Variants in CSPP1 observed in about 807,000 individuals in gnomAD.
CSPP1 encodes centrosome and spindle pole associated protein 1.
CSPP1 carries 126 observed loss-of-function variants against 164.4 expected under a neutral mutation model. The observed-to-expected ratio is 0.77, with a 90% CI of 0.66 to 0.89. The LOEUF is 0.89. Ranked by LOEUF, CSPP1 falls within the 40% of genes least tolerant of loss-of-function variation. The pLI, the probability that CSPP1 is intolerant of heterozygous loss-of-function variation, is 0.00. For synonymous variants in CSPP1, 472 were observed against 476.7 expected (o/e 0.99, Z 0.13); for missense variants, 1,395 against 1,449.8 (o/e 0.96, Z 0.61).
intron 19 of CSPP1, among the ~76,000 whole-genome samples, chr8:67,156,148 T>C (rs71515054): frequency 6.6e-6 from 1 of 152,216 alleles, no homozygotes. Context: ...ACTTTTATTG[T>C]TTTTGAGATA....
chr8:67,147,943 C>T (rs117102264), intron 17 of CSPP1, among the ~76,000 whole-genome samples: 2,505 of 151,878 alleles, frequency 0.016, 27 homozygotes, highest in Non-Finnish European at 0.024. Flanking sequence ...TTTTTTGAGA[C>T]AGTCTCACTC....
At chr8:67,161,519 T>C (rs767769382) in intron 21 of CSPP1, among the ~76,000 whole-genome samples, 1 of 152,194 alleles carries the variant, frequency 6.6e-6, no homozygotes, top group African/African-American at 2.4e-5. Flanking sequence ...AGTTTTGTTA[T>C]ATTTTTTCTT....
Position 67,195,601 on chromosome 8 carries a change from C to T in CSPP1, c.*8C>T, listed in dbSNP as rs756293613. 7 of 1,610,754 alleles carry T rather than the reference C, an allele frequency of 4.3e-6. No homozygotes were observed. In the Admixed American group the frequency reaches 1.2e-4, roughly 27 times the overall value. ...TCGACTGCACATGGTTAAAATAAAC[C>T]TGTACTGGACCCAGTAGTGCCTTTT... On this transcript the variant is annotated 3_prime_UTR_variant, in exon 31 of 31. Transcript: ENST00000678616.
At chr8:67,163,397 T>C (rs1295434311) in intron 22 of CSPP1, among the ~76,000 whole-genome samples, 2 of 151,860 alleles carry the variant, frequency 1.3e-5, no homozygotes, top group African/African-American at 4.8e-5. Context: ...GGAAGGTGCT[T>C]GGAGAGAGGA....
At chr8:67,088,991 G>A (rs1427267504) in intron 4 of CSPP1, among the ~76,000 whole-genome samples, 3 of 149,820 alleles carry the variant, frequency 2.0e-5, no homozygotes, top group African/African-American at 5.1e-5. Context: ...AGGTGGGACT[G>A]GAAGGGAAAG....
intron 9 of CSPP1, 121 bp from the exon 10 acceptor site, chr8:67,111,851 G>A: frequency 1.9e-6 from 1 of 518,060 alleles, no homozygotes; most frequent in Non-Finnish European, 3.4e-6. Context: ...TTTTCCTTCT[G>A]TATTTCTTGC....
At chr8:67,119,176 G>A (rs778109823) in intron 15 of CSPP1, among the ~76,000 whole-genome samples, 1 of 152,044 alleles carries the variant, frequency 6.6e-6, no homozygotes, top group African/African-American at 2.4e-5. Context: ...TGTCCTCAAG[G>A]TTCATCCGTC....
At chr8:67,144,104 AT>A (rs1216097534) in intron 17 of CSPP1, among the ~76,000 whole-genome samples, 1 of 152,072 alleles carries the variant, frequency 6.6e-6, no homozygotes, top group Non-Finnish European at 1.5e-5. Context: ...AGGATGTTCT[AT>A]TCCTTGTTTG....
intron 4 of CSPP1, among the ~76,000 whole-genome samples, chr8:67,088,625 C>G (rs1397163746): frequency 0.018 from 4 of 228 alleles, no homozygotes; most frequent in African/African-American, 0.054. Context: ...CGGCCGGGGG[C>G]ACGGCTGACG....
chr8:67,114,537 G>A (rs1455697923), intron 12 of CSPP1, 167 bp downstream of exon 12: 1 of 152,336 alleles, frequency 6.6e-6, no homozygotes, highest in Non-Finnish European at 1.5e-5. Context: ...TTACCTGTAG[G>A]CAACTTTTGA....
intron 16 of CSPP1, 56 bp downstream of exon 16, chr8:67,132,136 C>A: frequency 1.3e-6 from 2 of 1,507,648 alleles, no homozygotes; most frequent in Admixed American, 2.0e-5. Context: ...GCATGGTGGT[C>A]CCTTAGAGCT....
intron 17 of CSPP1, among the ~76,000 whole-genome samples, chr8:67,146,122 C>CTTTT (rs939978795): frequency 2.4e-5 from 3 of 125,130 alleles, no homozygotes; most frequent in African/African-American, 6.0e-5. Flanking sequence ...ATATACTTTT[C>CTTTT]TTTTTTTTTT....
chr8:67,099,721 T>C (rs1339582295), intron 7 of CSPP1, among the ~76,000 whole-genome samples: 1 of 152,166 alleles, frequency 6.6e-6, no homozygotes, highest in Non-Finnish European at 1.5e-5. Context: ...CTGTTTTAAG[T>C]GAACTAACAG....
intron 16 of CSPP1, chr8:67,134,137 C>T (rs1018983043): frequency 6.6e-6 from 1 of 152,200 alleles, no homozygotes; most frequent in Non-Finnish European, 1.5e-5. Flanking sequence ...TTCCATGACT[C>T]ACAAATGTTC....
chr8:67,088,316 CTTG>C (rs1462183176), intron 4 of CSPP1, among the ~76,000 whole-genome samples: 77 of 151,812 alleles, frequency 5.1e-4, no homozygotes, highest in Non-Finnish European at 1.0e-3. Flanking sequence ...GAGACAGAGT[CTTG>C]CTCTGTCGCC....
chr8:67,067,494 C>T (rs1387988665), intron 1 of CSPP1, among the ~76,000 whole-genome samples: 1 of 151,696 alleles, frequency 6.6e-6, no homozygotes, highest in African/African-American at 2.4e-5. Flanking sequence ...ACAAGAGTCT[C>T]GCTCTGTCAC....
In CSPP1 at chr8:67,187,015, A is replaced by AATCT. The variant is rs1554622826; in HGVS notation, c.3221-3625_3221-3622dup. ...TATCTATCTATCTATCTATCTATCTAATCTATCTATCTAGAACTGCCTGAG... is the reference window on the plus strand; with the variant it reads ...TATCTATCTATCTATCTATCTATCTAATCTATCTATCTATCTAGAACTGCCTGAG... On this transcript the variant is annotated intron_variant, in intron 28 of 30. Transcript: ENST00000678616. 8.3e-3 allele frequency among the ~76,000 whole-genome samples: 1,192 copies of AATCT among 143,080 alleles called. 16 individuals carry two copies. The highest frequency in any genetic ancestry group is 0.029 in the African/African-American group (1,103 of 38,352). The allele number at this position is 143,080 out of a possible 152,430, so 93.9% of individuals were successfully genotyped here. A position where few individuals can be genotyped will look rare whatever the true frequency, so the allele number is the denominator to read the frequency against.
intron 7 of CSPP1, 59 bp downstream of exon 7, chr8:67,095,791 T>G: frequency 9.7e-7 from 1 of 1,028,222 alleles, no homozygotes; most frequent in Non-Finnish European, 1.4e-6. Context: ...TTGTTAATAT[T>G]TGCTGTTGTT....
At chr8:67,179,998 C>A in intron 28 of CSPP1, 72 bp downstream of exon 28, 1 of 807,064 alleles carries the variant, frequency 1.2e-6, no homozygotes, top group Non-Finnish European at 2.1e-6. Context: ...AAAACCAGTA[C>A]TGTATTCCTT....
Sources: allele counts gnomAD v4.1 joint callset (sites outside exome capture counted in the v4.1 genomes callset), GRCh38; gene constraint gnomAD v4.1.1; transcripts MANE v1.5; gene names NCBI Gene and HGNC (gene_info 2026-07-23, HGNC 2026-07-21).